NAV3: variants seen among roughly 807,000 people sequenced by gnomAD.
NAV3 encodes pore membrane and/or filament interacting like protein 1.
A neutral mutation model predicts 244.7 loss-of-function variants in NAV3; 87 were observed. That is an observed-to-expected ratio of 0.36 (90% CI 0.30 to 0.42). NAV3 has a LOEUF of 0.42. NAV3 is among the 20% of genes least tolerant of loss of function. The pLI is 1.00. For missense variants in NAV3, 2,663 were observed against 2,893.3 expected, an observed-to-expected ratio of 0.92 and a Z score of 1.83; for synonymous variants, 1,126 against 1,042.2, an observed-to-expected ratio of 1.08 and a Z score of -1.55.
At chr12:77,628,932 A>C (rs1871763539) in intron 2 of NAV3, among the ~76,000 whole-genome samples, 1 of 151,050 alleles carries the variant, frequency 6.6e-6, no homozygotes, top group Admixed American at 6.6e-5. Flanking sequence ...CCAAAATCAA[A>C]ATGTATCCTC....
chr12:77,851,450 G>T (rs1309626668), intron 1 of NAV3, among the ~76,000 whole-genome samples: 1 of 152,122 alleles, frequency 6.6e-6, no homozygotes, highest in Non-Finnish European at 1.5e-5. Flanking sequence ...GATAGATAAA[G>T]AAAAGTTCTT....
chr12:77,961,612 T>C (rs1323527912), intron 3 of NAV3, among the ~76,000 whole-genome samples: 1 of 139,214 alleles, frequency 7.2e-6, no homozygotes, highest in Non-Finnish European at 1.5e-5. Context: ...TTTGAATATA[T>C]ATTACTATAT....
At chr12:77,823,191 G>C (rs1386035654) in intron 2 of NAV3, among the ~76,000 whole-genome samples, 1 of 152,058 alleles carries the variant, frequency 6.6e-6, no homozygotes, top group Non-Finnish European at 1.5e-5. Context: ...TAGAAATAGA[G>C]ATCAAAGTTT....
rs763962750 is a variant in NAV3 at position 78,177,637 on chromosome 12, C to A, written c.5315C>A (p.Pro1772Gln). The change falls in exon 28 of 40, where the codon CCA becomes CAA. Residue 1772 changes from proline (P) to glutamine (Q), a missense_variant. By Grantham distance (76) the Pro-to-Gln change is moderately conservative. Around this residue, in one of 6 missense-constraint regions of NAV3, gnomAD observed 193 missense variants for 200.7 expected, o/e 0.96. Transcript: ENST00000397909. ...ACATACAGGTCACCCCTTGTCTGGC[C>A]ACCAAAGAAACGACAAAATGGCCCT... ...QSASASPLVW[P>Q]PKKRQNGPVI... is the part of the protein sequence containing the mutation. The A allele has an allele frequency of 6.3e-7, 1 of 1,597,240 alleles. No homozygotes were observed. Among genetic ancestry groups the A allele is most frequent in the South Asian group, 1.1e-5 (1 of 91,040 alleles).
At chr12:77,947,496 T>G (rs1296755394) in intron 3 of NAV3, 1 of 151,874 alleles carries the variant, frequency 6.6e-6, no homozygotes, top group Non-Finnish European at 1.5e-5. Context: ...TCTTAAAGGT[T>G]TAATAAAATC....
intron 2 of NAV3, among the ~76,000 whole-genome samples, chr12:77,601,162 G>A (rs1206556286): frequency 6.6e-6 from 1 of 151,906 alleles, no homozygotes; most frequent in Non-Finnish European, 1.5e-5. Flanking sequence ...CTCTGATGTA[G>A]GGATGTAGGG....
At chr12:78,102,957 T>A (rs921639447) in intron 12 of NAV3, among the ~76,000 whole-genome samples, 1 of 152,194 alleles carries the variant, frequency 6.6e-6, no homozygotes, top group African/African-American at 2.4e-5. Flanking sequence ...AGGGTGGGGC[T>A]GCCATGAAGA....
At chr12:77,843,234 T>C (rs1875999946) in intron 1 of NAV3, among the ~76,000 whole-genome samples, 1 of 152,188 alleles carries the variant, frequency 6.6e-6, no homozygotes. Context: ...AGGTTTACTA[T>C]TATCTCCAAC....
chr12:77,587,351 T>C (rs1007790331), intron 2 of NAV3, among the ~76,000 whole-genome samples: 2 of 152,200 alleles, frequency 1.3e-5, no homozygotes, highest in South Asian at 2.1e-4. Context: ...CAAAAATACA[T>C]GCATAATATT....
At chr12:78,039,746 C>T (rs1405889786) in intron 9 of NAV3, among the ~76,000 whole-genome samples, 3 of 151,900 alleles carry the variant, frequency 2.0e-5, no homozygotes, top group Non-Finnish European at 2.9e-5. Flanking sequence ...CAAATAGTAA[C>T]GTAGGAGTAC....
intron 2 of NAV3, among the ~76,000 whole-genome samples, chr12:77,700,377 CA>C (rs774364274): frequency 6.6e-6 from 1 of 151,984 alleles, no homozygotes; most frequent in African/African-American, 2.4e-5. Context: ...GACAAATAAG[CA>C]ATTTGATAGA....
chr12:77,789,313 CCTT>C (rs1871060494), intron 2 of NAV3, among the ~76,000 whole-genome samples: 1 of 8,590 alleles, frequency 1.2e-4, no homozygotes, highest in Non-Finnish European at 0.014. Flanking sequence ...TTTAGCCCTT[CCTT>C]CCCTTACCAA....
chr12:77,845,699 A>G lies in NAV3; in HGVS notation c.243+13995A>G, dbSNP rs1009616620. ...ATGGAGTTTCACTCTTGTTGCCCAGACTGGAGTGCAATGTCACGATCTTGG... is the reference window on the plus strand; with the variant it reads ...ATGGAGTTTCACTCTTGTTGCCCAGGCTGGAGTGCAATGTCACGATCTTGG... On this transcript the variant is annotated intron_variant, in intron 1 of 39. Transcript: ENST00000397909. 3.5e-5 allele frequency among the ~76,000 whole-genome samples: 5 copies of G among 144,192 alleles called. No individual in the cohort carries two copies. The Admixed American group carries it at 3.6e-4, about 10-fold the overall frequency. The allele number at this position is 144,192 out of a possible 152,430, so 94.6% of individuals were successfully genotyped here. A position where few individuals can be genotyped will look rare whatever the true frequency, so the allele number is the denominator to read the frequency against.
chr12:78,198,795 C>T (rs548000714), intron 36 of NAV3, 119 bp downstream of exon 36: 5 of 709,880 alleles, frequency 7.0e-6, no homozygotes, highest in African/African-American at 3.7e-5. Flanking sequence ...TCCATTTGTA[C>T]TTTGACAAAT....
intron 1 of NAV3, among the ~76,000 whole-genome samples, chr12:77,935,619 A>G (rs1889247624): frequency 6.6e-6 from 1 of 152,218 alleles, no homozygotes; most frequent in Admixed American, 6.5e-5. Context: ...GTAGAAATTC[A>G]TTAAATCCTC....
At chr12:77,580,037 T>C (rs696440) in intron 2 of NAV3, among the ~76,000 whole-genome samples, 58,300 of 151,864 alleles carry the variant, frequency 0.38, 11,326 homozygotes, top group Middle Eastern at 0.54. Context: ...TACTCCTTTC[T>C]CATCACTGAC....
intron 1 of NAV3, among the ~76,000 whole-genome samples, chr12:77,869,304 TG>T (rs1453917712): frequency 6.6e-6 from 1 of 152,118 alleles, no homozygotes; most frequent in Admixed American, 6.5e-5. Flanking sequence ...AATATTCTAT[TG>T]GGGGCAAGGT....
In NAV3 at chr12:78,140,572, G is replaced by A. The variant is rs575259171; in HGVS notation, c.4683+238G>A. Among the ~76,000 whole-genome samples, 277 of 152,262 alleles carry A rather than the reference G, an allele frequency of 1.8e-3. 1 individual carries two copies. The highest frequency in any genetic ancestry group is 3.3e-3 in the Non-Finnish European group (226 of 68,024). The stretch of plus-strand genomic sequence containing the variant: ...CTTTTGTGCACTCATCATAATCAAT[G>A]AGTGGATGTAGAATTCGATTTCATA... On this transcript the variant is annotated intron_variant, in intron 20 of 39. Coordinates refer to ENST00000397909, the MANE Select transcript of NAV3 (RefSeq NM_001024383.2).
intron 12 of NAV3, among the ~76,000 whole-genome samples, chr12:78,077,733 T>A (rs888905943): frequency 6.6e-6 from 1 of 151,838 alleles, no homozygotes; most frequent in African/African-American, 2.4e-5. Flanking sequence ...AGGTCAGGAG[T>A]TCGAGACCAG....
Sources: allele counts gnomAD v4.1 joint callset (sites outside exome capture counted in the v4.1 genomes callset), GRCh38; gene constraint gnomAD v4.1.1; regional missense constraint gnomAD v4.1.1; transcripts MANE v1.5; gene names NCBI Gene and HGNC (gene_info 2026-07-23, HGNC 2026-07-21).